Variants in SORCS3 observed in about 807,000 individuals in gnomAD.
The protein encoded by SORCS3 is VPS10 domain-containing receptor SorCS3.
A neutral mutation model predicts 146.3 loss-of-function variants in SORCS3; 57 were observed. That is an observed-to-expected ratio of 0.39 (90% CI 0.31 to 0.49). SORCS3 has a LOEUF of 0.49. SORCS3 is among the 20% of genes least tolerant of loss of function. The probability of loss-of-function intolerance (pLI) is 0.92; values close to 1 mark genes in which losing one functional copy is unlikely to be tolerated. For synonymous variants in SORCS3, 653 were observed against 618.5 expected, an observed-to-expected ratio of 1.06 and a Z score of -0.83; for missense variants, 1,341 against 1,575.5, an observed-to-expected ratio of 0.85 and a Z score of 2.52.
At chr10:105,201,283 C>T (rs1564783524) in intron 16 of SORCS3, 30 bp downstream of exon 16, 2 of 1,592,786 alleles carry the variant, frequency 1.3e-6, no homozygotes, top group Non-Finnish European at 1.7e-6. Context: ...ATTACCAATT[C>T]CAACCAGGTC....
At chr10:105,158,571 G>A (rs1172176246) in intron 10 of SORCS3, among the ~76,000 whole-genome samples, 1 of 152,074 alleles carries the variant, frequency 6.6e-6, no homozygotes, top group African/African-American at 2.4e-5. Context: ...CATCCTGGTA[G>A]AAGGAATGGT....
intron 20 of SORCS3, among the ~76,000 whole-genome samples, chr10:105,224,322 A>G (rs561957894): frequency 2.0e-5 from 3 of 152,176 alleles, no homozygotes; most frequent in Non-Finnish European, 2.9e-5. Flanking sequence ...AATGTCATAT[A>G]GTTGGAATCA....
intron 1 of SORCS3, among the ~76,000 whole-genome samples, chr10:104,727,016 C>A (rs2016644181): frequency 6.6e-6 from 1 of 152,198 alleles, no homozygotes; most frequent in Non-Finnish European, 1.5e-5. Context: ...GTCTGTCCAT[C>A]CATATGGTGC....
intron 6 of SORCS3, among the ~76,000 whole-genome samples, chr10:105,104,076 T>C (rs1589634438): frequency 8.3e-6 from 1 of 120,102 alleles, no homozygotes; most frequent in African/African-American, 3.0e-5. Flanking sequence ...TTGTTATACA[T>C]TTTTTTCTGT....
At chr10:104,757,651 C>T (rs775839831) in intron 1 of SORCS3, among the ~76,000 whole-genome samples, 1 of 152,124 alleles carries the variant, frequency 6.6e-6, no homozygotes, top group Non-Finnish European at 1.5e-5. Flanking sequence ...TGGATATTGC[C>T]TTTTGGTGGT....
intron 1 of SORCS3, among the ~76,000 whole-genome samples, chr10:104,825,534 C>T (rs1335461264): frequency 6.6e-6 from 1 of 152,194 alleles, no homozygotes; most frequent in Non-Finnish European, 1.5e-5. Flanking sequence ...TCCATCAGCT[C>T]ACATCCGTTT....
intron 1 of SORCS3, among the ~76,000 whole-genome samples, chr10:104,757,113 G>A (rs1318538493): frequency 3.9e-5 from 4 of 103,494 alleles, no homozygotes; most frequent in African/African-American, 7.5e-5. Context: ...GCTCACAAAA[G>A]TTTGTGCTTG....
intron 3 of SORCS3, among the ~76,000 whole-genome samples, chr10:104,974,973 A>G (rs902959432): frequency 2.6e-5 from 4 of 152,162 alleles, no homozygotes; most frequent in African/African-American, 7.2e-5. Flanking sequence ...TTGGCTGGAT[A>G]TGAAAATCTG....
At chr10:105,056,853 TTCTTGCTC>T (rs1192445775) in intron 5 of SORCS3, among the ~76,000 whole-genome samples, 6 of 152,226 alleles carry the variant, frequency 3.9e-5, no homozygotes, top group African/African-American at 1.4e-4. Context: ...CTTTCTTCCT[TTCTTGCTC>T]TCTTTTAAGT....
chr10:104,878,698 G>GA (rs1564704247), intron 2 of SORCS3, among the ~76,000 whole-genome samples: 1 of 152,132 alleles, frequency 6.6e-6, no homozygotes, highest in Non-Finnish European at 1.5e-5. Context: ...ATATTAGCAT[G>GA]AAAAAATAAT....
chr10:105,256,899 G>A lies in SORCS3; in HGVS notation c.3418G>A (p.Val1140Met). 3 of 1,614,058 alleles carry A rather than the reference G, an allele frequency of 1.9e-6. No individual in the cohort carries two copies. Among genetic ancestry groups the A allele is most frequent in the South Asian group, 2.2e-5 (2 of 91,076 alleles). The change falls in exon 25 of 27, where the codon GTG becomes ATG. Residue 1140 changes from valine (V) to methionine (M), a missense_variant. Transcript: ENST00000369701. ...ATCAGTGGTATTTGTTGGCCTGGCT[G>A]TGTTTTTGATCTACAAGTTTAAAAG... ...LLSVVFVGLA[V>M]FLIYKFKRKI...
rs1222596070 is a variant in SORCS3 at position 105,157,177 on chromosome 10, GT to G, written c.1523del (p.Val508GlyfsTer5). On this transcript the variant is annotated frameshift_variant, in exon 10 of 27. Transcript: ENST00000369701. LOFTEE classifies it high-confidence loss of function. ...IKGIFLANKK[V>X]DDQVKTYITY... ...AGGGATATTTCTGGCAAACAAGAAG[GT>G]GGACGACCAGGTGAAGACATACATC... 1 of 1,613,886 alleles carries G rather than the reference GT, an allele frequency of 6.2e-7. No homozygotes were observed. Among genetic ancestry groups the G allele is most frequent in the African/African-American group, 1.3e-5 (1 of 74,910 alleles).
At chr10:105,103,310 T>C (rs971867223) in intron 6 of SORCS3, among the ~76,000 whole-genome samples, 53 of 152,162 alleles carry the variant, frequency 3.5e-4, no homozygotes, top group African/African-American at 1.2e-3. Flanking sequence ...CATGGCCCCT[T>C]AAGCGTTTGA....
intron 1 of SORCS3, among the ~76,000 whole-genome samples, chr10:104,760,508 T>G (rs1343192296): frequency 6.6e-6 from 1 of 152,196 alleles, no homozygotes; most frequent in Non-Finnish European, 1.5e-5. Context: ...TGAACATTTT[T>G]CTCAGAGAAT....
chr10:104,678,234 T>A (rs894051797), intron 1 of SORCS3, among the ~76,000 whole-genome samples: 1 of 145,420 alleles, frequency 6.9e-6, no homozygotes, highest in Non-Finnish European at 1.5e-5. Flanking sequence ...ATCAAGGAGG[T>A]TCTCGTTATT....
chr10:105,238,367 T>A (rs1253707088), intron 20 of SORCS3, among the ~76,000 whole-genome samples: 1 of 152,192 alleles, frequency 6.6e-6, no homozygotes, highest in Non-Finnish European at 1.5e-5. Context: ...AATGTAAAAT[T>A]ACTGGCTAAG....
intron 4 of SORCS3, among the ~76,000 whole-genome samples, chr10:105,004,000 C>CTTTTTTTTTTTTT (rs1226455197): frequency 1.4e-5 from 2 of 140,230 alleles, no homozygotes; most frequent in African/African-American, 2.7e-5. Flanking sequence ...TCTTCTCTCT[C>CTTTTTTTTTTTTT]TTTTTTTTTT....
intron 4 of SORCS3, among the ~76,000 whole-genome samples, chr10:104,996,526 T>C (rs949891285): frequency 3.9e-5 from 6 of 152,036 alleles, no homozygotes; most frequent in Non-Finnish European, 8.8e-5. Flanking sequence ...AATGGAAAAA[T>C]CAGTAAGAAC....
chr10:104,971,892 G>T (rs538775478), intron 3 of SORCS3, among the ~76,000 whole-genome samples: 3 of 152,292 alleles, frequency 2.0e-5, no homozygotes, highest in African/African-American at 7.2e-5. Flanking sequence ...AGACGGAATT[G>T]TTGTGGTATC....
Sources: allele counts gnomAD v4.1 joint callset (sites outside exome capture counted in the v4.1 genomes callset), GRCh38; gene constraint gnomAD v4.1.1; transcripts MANE v1.5; gene names NCBI Gene and HGNC (gene_info 2026-07-23, HGNC 2026-07-21).